EPB41L2: variants seen among roughly 807,000 people sequenced by gnomAD.
EPB41L2 encodes the protein erythrocyte membrane protein band 4.1 like 2, also known as band 4.1-like protein 2.
In EPB41L2, 43 loss-of-function variants were observed where a neutral mutation model predicts 113.0. The observed-to-expected ratio is 0.38, with a 90% confidence interval of 0.30 to 0.49. EPB41L2 has a LOEUF of 0.49. Among genes scored for constraint, EPB41L2 ranks in the 20% least tolerant of loss-of-function variants. The probability of loss-of-function intolerance (pLI) is 0.95; values close to 1 mark genes in which losing one functional copy is unlikely to be tolerated. For missense variants in EPB41L2, 1,147 were observed against 1,223.4 expected (o/e 0.94, Z 0.93); for synonymous variants, 442 against 436.7 (o/e 1.01, Z -0.15).
intron 1 of EPB41L2, among the ~76,000 whole-genome samples, chr6:130,995,127 G>A (rs1189635287): frequency 1.3e-5 from 2 of 150,306 alleles, no homozygotes; most frequent in East Asian, 2.0e-4. Context: ...ACGAGGTCAG[G>A]AGATCAAGAC....
At chr6:130,924,714 A>C (rs191744709) in intron 4 of EPB41L2, among the ~76,000 whole-genome samples, 2 of 152,184 alleles carry the variant, frequency 1.3e-5, no homozygotes, top group Admixed American at 1.3e-4. Context: ...TGGAACTTCC[A>C]CACTGTTTTC....
At position 130,926,684 on chromosome 6, in the gene EPB41L2, A is replaced by G; in HGVS notation, c.731T>C (p.Phe244Ser). ...LEKHAKGQVL[F>S]DKVCEHLNLL... The stretch of plus-strand genomic sequence containing the variant: ...ATTGAGGTGTTCACACACTTTGTCA[A>G]ATAACACTTGTCCCTTGGCATGTTT... The change falls in exon 4 of 20, where the codon TTT becomes TCT. Residue 244 changes from phenylalanine to serine, a missense_variant. Physicochemically the swap from Phe to Ser is radical, Grantham distance 155 (BLOSUM62 -2). Transcript: ENST00000337057. 1 of 1,607,312 alleles carries G rather than the reference A, an allele frequency of 6.2e-7. No individual in the cohort carries two copies. Among genetic ancestry groups the G allele is most frequent in the Non-Finnish European group, 8.5e-7 (1 of 1,178,454 alleles).
intron 3 of EPB41L2, among the ~76,000 whole-genome samples, chr6:130,931,778 G>A: frequency 6.6e-6 from 1 of 151,984 alleles, no homozygotes; most frequent in Non-Finnish European, 1.5e-5. Flanking sequence ...CCTCAAAATA[G>A]TTCTTCCTTT....
intron 19 of EPB41L2, among the ~76,000 whole-genome samples, chr6:130,853,149 T>A (rs1288146191): frequency 6.6e-6 from 1 of 152,208 alleles, no homozygotes; most frequent in Non-Finnish European, 1.5e-5. Flanking sequence ...ATTTATGCAA[T>A]GAACAAATAA....
intron 4 of EPB41L2, among the ~76,000 whole-genome samples, chr6:130,926,335 T>C (rs887332777): frequency 1.3e-5 from 2 of 152,226 alleles, no homozygotes; most frequent in Admixed American, 6.5e-5. Context: ...AACATCACTT[T>C]TCCACTGATG....
chr6:130,915,637 G>C (rs1800799393), intron 4 of EPB41L2, among the ~76,000 whole-genome samples: 1 of 152,110 alleles, frequency 6.6e-6, no homozygotes, highest in Non-Finnish European at 1.5e-5. Context: ...TAATGATATG[G>C]TTTGGCTCTG....
chr6:131,060,220 A>C (rs1798392710), intron 1 of EPB41L2, among the ~76,000 whole-genome samples: 1 of 152,268 alleles, frequency 6.6e-6, no homozygotes, highest in African/African-American at 2.4e-5. Context: ...ACCTTCAAAA[A>C]TATTTAGCAT....
intron 4 of EPB41L2, among the ~76,000 whole-genome samples, chr6:130,922,382 C>T (rs1272917485): frequency 2.0e-5 from 3 of 152,214 alleles, no homozygotes; most frequent in Non-Finnish European, 2.9e-5. Context: ...TCCTCTGAGG[C>T]AACATGGTAT....
chr6:131,058,634 C>A (rs1321144706), intron 1 of EPB41L2, among the ~76,000 whole-genome samples: 3 of 152,172 alleles, frequency 2.0e-5, no homozygotes, highest in Admixed American at 2.0e-4. Flanking sequence ...TGCTTCACAT[C>A]ACAAATACCT....
intron 1 of EPB41L2, among the ~76,000 whole-genome samples, chr6:130,997,170 G>T (rs1365508382): frequency 6.6e-6 from 1 of 152,162 alleles, no homozygotes; most frequent in Non-Finnish European, 1.5e-5. Context: ...ATTTGAACTG[G>T]ATTTAAAAGA....
intron 3 of EPB41L2, among the ~76,000 whole-genome samples, chr6:130,930,873 G>T (rs1277527138): frequency 6.6e-6 from 1 of 152,048 alleles, no homozygotes; most frequent in Non-Finnish European, 1.5e-5. Flanking sequence ...TAAGGAAAAA[G>T]TGAATATGAA....
At chr6:131,023,274 A>C (rs1037128522) in intron 1 of EPB41L2, among the ~76,000 whole-genome samples, 6 of 152,212 alleles carry the variant, frequency 3.9e-5, no homozygotes, top group Admixed American at 1.3e-4. Flanking sequence ...AAGACTTCTT[A>C]GGATGTCAAC....
At chr6:130,948,532 G>A (rs971678202) in intron 3 of EPB41L2, among the ~76,000 whole-genome samples, 4 of 151,980 alleles carry the variant, frequency 2.6e-5, no homozygotes, top group African/African-American at 9.7e-5. Flanking sequence ...TCAAGTAAAC[G>A]AAGAAAAATA....
At chr6:130,896,213 T>C (rs1213646973) in intron 8 of EPB41L2, among the ~76,000 whole-genome samples, 1 of 152,250 alleles carries the variant, frequency 6.6e-6, no homozygotes, top group Non-Finnish European at 1.5e-5. Context: ...TTGATGCCAG[T>C]TGCTTTCTCT....
At chr6:131,051,465 A>AC (rs1554356252) in intron 1 of EPB41L2, among the ~76,000 whole-genome samples, 31 of 143,636 alleles carry the variant, frequency 2.2e-4, no homozygotes, top group South Asian at 4.3e-4. Flanking sequence ...AAAAAAAAAA[A>AC]ACACACACAC....
intron 1 of EPB41L2, among the ~76,000 whole-genome samples, chr6:131,036,387 A>G (rs529151324): frequency 6.6e-6 from 1 of 152,322 alleles, no homozygotes; most frequent in African/African-American, 2.4e-5. Flanking sequence ...GTTACTGAGC[A>G]AGAGAGTGGC....
At chr6:130,895,187 AG>A in intron 8 of EPB41L2, 68 bp from the exon 9 acceptor site, 3 of 1,499,882 alleles carry the variant, frequency 2.0e-6, no homozygotes, top group Non-Finnish European at 2.7e-6. Flanking sequence ...GAAGCTAATT[AG>A]CTCCCTCAAA....
intron 1 of EPB41L2, among the ~76,000 whole-genome samples, chr6:131,059,352 G>T (rs1798235561): frequency 6.6e-6 from 1 of 152,126 alleles, no homozygotes; most frequent in Non-Finnish European, 1.5e-5. Context: ...CTGACCTCAT[G>T]ATCCACCCGC....
intron 1 of EPB41L2, among the ~76,000 whole-genome samples, chr6:131,039,609 CA>C (rs1403309735): frequency 6.6e-6 from 1 of 152,080 alleles, no homozygotes; most frequent in Non-Finnish European, 1.5e-5. Context: ...GTGCCACGGT[CA>C]ATGGAGATTT....
Sources: gnomAD v4.1 joint callset for allele counts (sites outside exome capture counted in the v4.1 genomes callset) on GRCh38, gnomAD v4.1.1 for gene constraint, MANE v1.5 for transcripts, NCBI Gene and HGNC (gene_info 2026-07-23, HGNC 2026-07-21) for gene names.